TMPRSS4: variants seen among roughly 807,000 people sequenced by gnomAD.
The protein encoded by TMPRSS4 is transmembrane serine protease 4.
In TMPRSS4, 45 loss-of-function variants were observed where a neutral mutation model predicts 56.4. That is an observed-to-expected ratio of 0.80 (90% CI 0.63 to 1.02). TMPRSS4 has a LOEUF of 1.02. Among genes scored for constraint, TMPRSS4 ranks in the 50% least tolerant of loss-of-function variants. The probability of loss-of-function intolerance (pLI) is 0.00; values close to 1 mark genes in which losing one functional copy is unlikely to be tolerated. For synonymous variants in TMPRSS4, 205 were observed against 211.0 expected, an observed-to-expected ratio of 0.97 and a Z score of 0.25; for missense variants, 546 against 556.7, an observed-to-expected ratio of 0.98 and a Z score of 0.19.
chr11:118,106,396 C>G (rs1946991074), intron 5 of TMPRSS4: 1 of 152,124 alleles, frequency 6.6e-6, no homozygotes, highest in Admixed American at 6.5e-5. Context: ...TCTCTACTTT[C>G]TTTCCTCTCT....
At chr11:118,099,319 C>A in intron 3 of TMPRSS4, 1 of 437,314 alleles carries the variant, frequency 2.3e-6, no homozygotes, top group South Asian at 3.8e-5. Flanking sequence ...TCCTTCACCC[C>A]CTCAGTAAGT....
rs781172239 is a variant in TMPRSS4, at chr11:118,107,893, T to C, written c.542+18T>C. 16 of 1,610,404 alleles carry C rather than the reference T, an allele frequency of 9.9e-6. No homozygotes were observed. The highest frequency in any genetic ancestry group is 1.3e-5 in the Non-Finnish European group (15 of 1,177,686). ...TCAAGTGGGTAAGTGAGGGGACACC[T>C]TCTGGCCTACAGAAGGCCCCCACAT... On this transcript the variant is annotated intron_variant, in intron 6 of 12. Transcript: ENST00000437212.
chr11:118,107,176 G>A (rs1305027523), intron 5 of TMPRSS4: 2 of 152,252 alleles, frequency 1.3e-5, no homozygotes, highest in Non-Finnish European at 2.9e-5. Flanking sequence ...TTTGAAAGTA[G>A]CAAGCATGGA....
intron 8 of TMPRSS4, among the ~76,000 whole-genome samples, chr11:118,112,379 C>CT (rs71469160): frequency 0.031 from 1,412 of 45,718 alleles, 329 homozygotes; most frequent in African/African-American, 0.071. Flanking sequence ...ACCCCCTTCA[C>CT]TTTTTTTTTT....
chr11:118,080,271 T>C (rs1945018920), intron 1 of TMPRSS4, among the ~76,000 whole-genome samples: 1 of 152,044 alleles, frequency 6.6e-6, no homozygotes, highest in Admixed American at 6.5e-5. Context: ...ATGGGCAGGC[T>C]CTCTCCAGGC....
intron 1 of TMPRSS4, among the ~76,000 whole-genome samples, chr11:118,092,731 A>G (rs940805060): frequency 2.0e-5 from 3 of 152,222 alleles, no homozygotes; most frequent in African/African-American, 7.2e-5. Flanking sequence ...AGTTTCTCCC[A>G]AAGTTAGTTC....
chr11:118,082,655 A>G (rs1945235067), intron 1 of TMPRSS4, among the ~76,000 whole-genome samples: 1 of 152,220 alleles, frequency 6.6e-6, no homozygotes, highest in East Asian at 1.9e-4. Context: ...ACCAGTAGCT[A>G]TAATTAACTT....
Position 118,111,813 on chromosome 11 carries a change from A to G in TMPRSS4, c.656A>G (p.Gln219Arg). The G allele has an allele frequency of 1.2e-6, 2 of 1,605,354 alleles. No homozygotes were observed. The highest frequency in any genetic ancestry group is 1.1e-5 in the South Asian group (1 of 89,428). Residue 219 changes from glutamine (Q) to arginine (R), a missense_variant, in exon 8 of 13, where the codon CAG becomes CGG. Coordinates refer to ENST00000437212, the MANE Select transcript of TMPRSS4 (RefSeq NM_019894.4). ...EEASVDSWPW[Q>R]VSIQYDKQHV... ...GCCTCTGTGGATTCTTGGCCTTGGC[A>G]GGTCAGCATCCAGTACGACAAACAG...
rs767672661 is a variant in TMPRSS4 at position 118,114,939 on chromosome 11, G to A, written c.1009+12G>A. On this transcript the variant is annotated intron_variant, in intron 10 of 12. Coordinates refer to ENST00000437212, the MANE Select transcript of TMPRSS4 (RefSeq NM_019894.4). ...GAAGCAGAATGGAGGTAAGTCCTGG[G>A]TGCAGGACCACAGGGCAGGAGATGC... is the stretch of plus-strand genomic sequence containing the variant. 1 of 1,590,922 alleles carries A rather than the reference G, an allele frequency of 6.3e-7. No homozygotes were observed. The highest frequency in any genetic ancestry group is 8.6e-7 in the Non-Finnish European group (1 of 1,167,506).
Position 118,113,323 on chromosome 11 carries a change from C to T in TMPRSS4, c.798C>T (p.Gly266=), listed in dbSNP as rs1263139148. 1 of 1,614,116 alleles carries T rather than the reference C, an allele frequency of 6.2e-7. No individual in the cohort carries two copies. Among genetic ancestry groups the T allele is most frequent in the East Asian group, 2.2e-5 (1 of 44,854 alleles). Residue 266 remains glycine (G), a synonymous_variant, in exon 9 of 13, where the codon GGC becomes GGT. Coordinates refer to ENST00000437212, the MANE Select transcript of TMPRSS4 (RefSeq NM_019894.4). ...TGCGGGCAGGCTCAGACAAACTGGG[C>T]AGCTTCCCATCCCTGGCTGTGGCCA... ...WKVRAGSDKL[G]SFPSLAVAKI... is the part of the protein sequence containing the mutation.
intron 1 of TMPRSS4, among the ~76,000 whole-genome samples, chr11:118,079,094 G>T (rs1244348550): frequency 6.6e-6 from 1 of 152,054 alleles, no homozygotes; most frequent in East Asian, 1.9e-4. Flanking sequence ...GAGGGGTCAG[G>T]TCAGGCCTGG....
At chr11:118,101,331 C>T in intron 3 of TMPRSS4, among the ~76,000 whole-genome samples, 1 of 152,112 alleles carries the variant, frequency 6.6e-6, no homozygotes, top group East Asian at 1.9e-4. Context: ...GATTTAACGC[C>T]ACTACTCTTA....
chr11:118,103,942 T>G (rs1428672374), intron 4 of TMPRSS4, among the ~76,000 whole-genome samples: 1 of 152,196 alleles, frequency 6.6e-6, no homozygotes, highest in Non-Finnish European at 1.5e-5. Flanking sequence ...CTTCGCCAGC[T>G]ATTGGTCCTT....
At chr11:118,101,382 C>T (rs146429372) in intron 3 of TMPRSS4, among the ~76,000 whole-genome samples, 464 of 152,252 alleles carry the variant, frequency 3.0e-3, no homozygotes, top group Middle Eastern at 0.01. Flanking sequence ...AGGGTCCCAT[C>T]AGGCCAAGAC....
intron 1 of TMPRSS4, among the ~76,000 whole-genome samples, chr11:118,079,293 C>CTCCCT (rs529803906): frequency 1.4e-4 from 22 of 152,286 alleles, no homozygotes; most frequent in Non-Finnish European, 2.6e-4. Flanking sequence ...AGGCTCAGCC[C>CTCCCT]TCCCTTCCCT....
rs1265689257 is a variant in TMPRSS4 at position 118,113,333 on chromosome 11, T to A, written c.808T>A (p.Ser270Thr). 1 of 1,614,114 alleles carries A rather than the reference T, an allele frequency of 6.2e-7. No individual in the cohort carries two copies. Among genetic ancestry groups the A allele is most frequent in the Admixed American group, 1.7e-5 (1 of 60,022 alleles). Residue 270 changes from serine (S) to threonine (T), a missense_variant, in exon 9 of 13, where the codon TCC (serine) becomes ACC (threonine). Coordinates refer to ENST00000437212, the MANE Select transcript of TMPRSS4 (RefSeq NM_019894.4). ...AGSDKLGSFP[S>T]LAVAKIIIIE... is the part of the protein sequence containing the mutation. ...CTCAGACAAACTGGGCAGCTTCCCA[T>A]CCCTGGCTGTGGCCAAGATCATCAT...
intron 3 of TMPRSS4, among the ~76,000 whole-genome samples, chr11:118,102,401 C>T (rs527715110): frequency 2.6e-5 from 4 of 152,150 alleles, no homozygotes; most frequent in East Asian, 3.8e-4. Context: ...GAAGGGAAAG[C>T]GATCCATATA....
At chr11:118,082,409 A>G (rs1189251016) in intron 1 of TMPRSS4, among the ~76,000 whole-genome samples, 1 of 151,994 alleles carries the variant, frequency 6.6e-6, no homozygotes, top group African/African-American at 2.4e-5. Flanking sequence ...AAAGATATAA[A>G]CATTAGCCGA....
intron 1 of TMPRSS4, among the ~76,000 whole-genome samples, chr11:118,094,187 C>A (rs1941630): frequency 6.6e-6 from 1 of 152,176 alleles, no homozygotes; most frequent in Admixed American, 6.5e-5. Flanking sequence ...TCATAAAATA[C>A]TTGTACGTTT....
Sources: allele counts gnomAD v4.1 joint callset (sites outside exome capture counted in the v4.1 genomes callset), GRCh38; gene constraint gnomAD v4.1.1; transcripts MANE v1.5; gene names NCBI Gene and HGNC (gene_info 2026-07-23, HGNC 2026-07-21).